Variants in CSMD1 observed in about 807,000 individuals in gnomAD.
The protein encoded by CSMD1 is CUB and Sushi multiple domains 1.
Under a neutral mutation model 417.5 loss-of-function variants are expected in CSMD1, and 213 were observed. The observed-to-expected ratio is 0.51, with a 90% CI of 0.46 to 0.57. CSMD1 has a LOEUF of 0.57. Among genes scored for constraint, CSMD1 ranks in the 20% least tolerant of loss-of-function variants. The pLI, the probability that CSMD1 is intolerant of heterozygous loss-of-function variation, is 0.00. For synonymous variants in CSMD1, 2,862 were observed against 1,736.8 expected (o/e 1.65, Z -16.11); for missense variants, 6,923 against 4,529.7 (o/e 1.53, Z -15.17).
At chr8:4,819,306 T>C (rs1358979248) in intron 1 of CSMD1, among the ~76,000 whole-genome samples, 1 of 152,156 alleles carries the variant, frequency 6.6e-6, no homozygotes, top group African/African-American at 2.4e-5. Flanking sequence ...GATTTACCAA[T>C]TGTATTAGAC....
At chr8:3,301,708 C>G (rs1203509030) in intron 25 of CSMD1, among the ~76,000 whole-genome samples, 1 of 152,100 alleles carries the variant, frequency 6.6e-6, no homozygotes, top group Non-Finnish European at 1.5e-5. Flanking sequence ...TGGAAAGCCG[C>G]ACTAAGCCAA....
chr8:3,872,448 C>T (rs557233454), intron 5 of CSMD1, among the ~76,000 whole-genome samples: 1 of 152,168 alleles, frequency 6.6e-6, no homozygotes, highest in Non-Finnish European at 1.5e-5. Flanking sequence ...CCGAAGCCCA[C>T]TGTGCAAATG....
At chr8:3,388,214 T>C (rs565599606) in intron 17 of CSMD1, among the ~76,000 whole-genome samples, 2 of 152,356 alleles carry the variant, frequency 1.3e-5, no homozygotes, top group East Asian at 3.9e-4. Flanking sequence ...CATAAATCCA[T>C]GCTATTTTCA....
rs1011317310 is a variant in CSMD1, at chr8:4,869,442, T to C, written c.85+124890A>G. On this transcript the variant is annotated intron_variant, in intron 1 of 69. Transcript: ENST00000635120. ...TACCAAATATTTGGTAATCACTAAA[T>C]TTTAATGAAAGCATATATCTGCAAC... is the stretch of plus-strand genomic sequence containing the variant. Among the ~76,000 whole-genome samples, 43 of 152,196 alleles carry C rather than the reference T, an allele frequency of 2.8e-4. 1 individual carries two copies. The highest frequency in any genetic ancestry group is 9.6e-4 in the African/African-American group (40 of 41,514).
chr8:3,806,701 T>A (rs908406726), intron 5 of CSMD1, among the ~76,000 whole-genome samples: 1 of 152,144 alleles, frequency 6.6e-6, no homozygotes. Flanking sequence ...AACAATCTAA[T>A]GAGAGGTAAT....
chr8:3,808,351 G>C (rs999952526), intron 5 of CSMD1, among the ~76,000 whole-genome samples: 7 of 152,036 alleles, frequency 4.6e-5, no homozygotes, highest in Admixed American at 3.3e-4. Flanking sequence ...AAATGTTTGG[G>C]TCTTGGTATA....
At chr8:3,829,418 G>A (rs1259726544) in intron 5 of CSMD1, among the ~76,000 whole-genome samples, 3 of 152,122 alleles carry the variant, frequency 2.0e-5, no homozygotes, top group Non-Finnish European at 4.4e-5. Flanking sequence ...GTCAGAATGA[G>A]ATAAGTCAAT....
At chr8:3,270,119 G>C (rs547248798) in intron 26 of CSMD1, among the ~76,000 whole-genome samples, 1 of 125,124 alleles carries the variant, frequency 8.0e-6, no homozygotes, top group African/African-American at 3.2e-5. Context: ...GCACTGTCTT[G>C]GCCCACTGCA....
intron 26 of CSMD1, among the ~76,000 whole-genome samples, chr8:3,259,504 A>G (rs927640895): frequency 3.3e-5 from 5 of 152,214 alleles, no homozygotes; most frequent in Admixed American, 2.6e-4. Flanking sequence ...TCAGTCTGAT[A>G]TTAGCTTTTC....
intron 1 of CSMD1, among the ~76,000 whole-genome samples, chr8:4,866,151 A>G (rs149158382): frequency 2.2e-3 from 328 of 152,036 alleles, no homozygotes; most frequent in Admixed American, 5.0e-3. Context: ...TATGCTGCAA[A>G]GTTTATGACA....
chr8:4,500,246 G>A (rs1477847320), intron 2 of CSMD1, among the ~76,000 whole-genome samples: 1 of 152,010 alleles, frequency 6.6e-6, no homozygotes, highest in African/African-American at 2.4e-5. Context: ...CATCATGTAA[G>A]AGAGATCATA....
In CSMD1 at chr8:4,834,226, G is replaced by C. The variant is rs80095150; in HGVS notation, c.85+160106C>G. Among the ~76,000 whole-genome samples, 1,284 of 152,280 alleles carry C rather than the reference G, an allele frequency of 8.4e-3. 13 individuals are homozygous for C. Among genetic ancestry groups the C allele is most frequent in the Non-Finnish European group, 9.7e-3 (662 of 68,026 alleles). On this transcript the variant is annotated intron_variant, in intron 1 of 69. Coordinates refer to ENST00000635120, the MANE Select transcript of CSMD1 (RefSeq NM_033225.6). ...GACAATACATATTTGAACGTGGTAA[G>C]GAGAGGGAAGAAAAATATGTTTAGA...
At chr8:3,742,881 T>G (rs1378170137) in intron 6 of CSMD1, among the ~76,000 whole-genome samples, 1 of 152,250 alleles carries the variant, frequency 6.6e-6, no homozygotes, top group Non-Finnish European at 1.5e-5. Context: ...GTGTTATGAC[T>G]GCAATGGATA....
At chr8:4,871,352 G>A (rs528829753) in intron 1 of CSMD1, among the ~76,000 whole-genome samples, 13 of 152,128 alleles carry the variant, frequency 8.5e-5, no homozygotes, top group African/African-American at 2.9e-4. Context: ...TATGCATATT[G>A]ATATAAATGG....
At chr8:4,757,144 G>C (rs1019931574) in intron 1 of CSMD1, among the ~76,000 whole-genome samples, 1 of 152,124 alleles carries the variant, frequency 6.6e-6, no homozygotes, top group Non-Finnish European at 1.5e-5. Flanking sequence ...GAATAGATGC[G>C]AATAACCAGA....
chr8:4,352,791 C>T (rs1398187336), intron 3 of CSMD1, among the ~76,000 whole-genome samples: 1 of 152,216 alleles, frequency 6.6e-6, no homozygotes, highest in Non-Finnish European at 1.5e-5. Context: ...GGAATGTGGA[C>T]ATGGCTGTTG....
chr8:3,079,897 G>A (rs1000121828), intron 49 of CSMD1, among the ~76,000 whole-genome samples: 7 of 152,038 alleles, frequency 4.6e-5, no homozygotes, highest in African/African-American at 1.7e-4. Flanking sequence ...TGCATCCTCT[G>A]TCCCCTCCAC....
intron 2 of CSMD1, among the ~76,000 whole-genome samples, chr8:4,631,519 T>G (rs192299649): frequency 8.3e-4 from 126 of 152,108 alleles, no homozygotes; most frequent in African/African-American, 3.0e-3. Flanking sequence ...AATATGATCC[T>G]AATGTAATTG....
intron 27 of CSMD1, among the ~76,000 whole-genome samples, chr8:3,228,450 G>C (rs928282215): frequency 2.6e-5 from 4 of 152,140 alleles, no homozygotes; most frequent in African/African-American, 9.7e-5. Context: ...ACCTACGCAT[G>C]TAGGCGGGTC....
Sources: allele counts gnomAD v4.1 joint callset (sites outside exome capture counted in the v4.1 genomes callset), GRCh38; gene constraint gnomAD v4.1.1; transcripts MANE v1.5; gene names NCBI Gene and HGNC (gene_info 2026-07-23, HGNC 2026-07-21).